Variants in DPP10 observed in about 807,000 individuals in gnomAD.
The protein encoded by DPP10 is inactive dipeptidyl peptidase 10.
DPP10 carries 33 observed loss-of-function variants against 120.9 expected under a neutral mutation model. The ratio of observed to expected loss-of-function variants is 0.27; its 90% CI spans 0.21 to 0.37. DPP10 has a LOEUF of 0.37. DPP10 is among the 10% of genes least tolerant of loss of function. DPP10 has a pLI of 1.00. For synonymous variants in DPP10, 337 were observed against 326.1 expected, an observed-to-expected ratio of 1.03 and a Z score of -0.36; for missense variants, 816 against 942.8, an observed-to-expected ratio of 0.87 and a Z score of 1.76.
chr2:114,545,891 C>G (rs1490710489), intron 1 of DPP10, among the ~76,000 whole-genome samples: 1 of 152,158 alleles, frequency 6.6e-6, no homozygotes, highest in Non-Finnish European at 1.5e-5. Flanking sequence ...CAATGAGTGT[C>G]TTTTATCTTT....
intron 1 of DPP10, among the ~76,000 whole-genome samples, chr2:114,503,085 G>T (rs1037104480): frequency 2.0e-5 from 3 of 152,198 alleles, no homozygotes; most frequent in Non-Finnish European, 2.9e-5. Flanking sequence ...AACTTGGACT[G>T]CTCTTCTGTT....
intron 5 of DPP10, among the ~76,000 whole-genome samples, chr2:115,567,132 C>A (rs1385108949): frequency 6.7e-6 from 1 of 149,686 alleles, no homozygotes; most frequent in Non-Finnish European, 1.5e-5. Context: ...TTTTTTTTTT[C>A]TTTTCAGCAC....
At chr2:115,827,763 T>A (rs934873829) in intron 21 of DPP10, among the ~76,000 whole-genome samples, 3 of 151,608 alleles carry the variant, frequency 2.0e-5, no homozygotes, top group East Asian at 3.9e-4. Context: ...GCCCAGCTAA[T>A]TTTTCTATTA....
chr2:114,718,726 T>C (rs918283155), intron 1 of DPP10, among the ~76,000 whole-genome samples: 11 of 152,198 alleles, frequency 7.2e-5, no homozygotes, highest in African/African-American at 2.7e-4. Flanking sequence ...AATCAGTAGA[T>C]GTAGATACAT....
intron 22 of DPP10, 84 bp from the exon 23 acceptor site, chr2:115,836,423 A>T (rs1404067061): frequency 2.0e-6 from 3 of 1,520,896 alleles, no homozygotes; most frequent in Non-Finnish European, 2.7e-6. Context: ...CATGACAATT[A>T]AATGTAAAAT....
intron 3 of DPP10, among the ~76,000 whole-genome samples, chr2:115,490,238 C>T (rs999296826): frequency 6.6e-6 from 1 of 152,062 alleles, no homozygotes; most frequent in African/African-American, 2.4e-5. Context: ...CTAAGGAGGC[C>T]TCAGGAAACT....
chr2:115,818,599 G>A (rs1687501013), intron 21 of DPP10, among the ~76,000 whole-genome samples: 1 of 152,198 alleles, frequency 6.6e-6, no homozygotes, highest in Non-Finnish European at 1.5e-5. Context: ...AATGCACAGT[G>A]TCAGTGAAGG....
At chr2:114,824,250 G>A (rs150010406) in intron 1 of DPP10, among the ~76,000 whole-genome samples, 1 of 152,092 alleles carries the variant, frequency 6.6e-6, no homozygotes, top group East Asian at 1.9e-4. Flanking sequence ...TTCTCATTTT[G>A]GTGTAGAGAT....
At chr2:114,968,150 T>A (rs1032759705) in intron 1 of DPP10, among the ~76,000 whole-genome samples, 2 of 152,218 alleles carry the variant, frequency 1.3e-5, no homozygotes, top group Non-Finnish European at 2.9e-5. Flanking sequence ...AATGTGTGCT[T>A]AGCTCATTCC....
intron 5 of DPP10, among the ~76,000 whole-genome samples, chr2:115,613,258 G>T (rs551045862): frequency 1.3e-5 from 2 of 152,148 alleles, no homozygotes; most frequent in Non-Finnish European, 2.9e-5. Context: ...CCAGGTGGGA[G>T]TCTCTTATTT....
intron 1 of DPP10, among the ~76,000 whole-genome samples, chr2:114,812,687 CCTA>C (rs1218479296): frequency 6.6e-6 from 1 of 151,794 alleles, no homozygotes; most frequent in Admixed American, 6.6e-5. Context: ...ACAGCTTCCT[CCTA>C]CTCCGACTTT....
chr2:114,532,215 G>A (rs1483326642), intron 1 of DPP10, among the ~76,000 whole-genome samples: 1 of 138,820 alleles, frequency 7.2e-6, no homozygotes, highest in Non-Finnish European at 1.5e-5. Context: ...GGACTCCTTG[G>A]CCTCCCATAA....
chr2:114,903,843 C>T (rs1693776381), intron 1 of DPP10, among the ~76,000 whole-genome samples: 2 of 152,118 alleles, frequency 1.3e-5, no homozygotes, highest in African/African-American at 4.8e-5. Context: ...TGTGTTAGAA[C>T]ACAAGAAAGT....
intron 1 of DPP10, among the ~76,000 whole-genome samples, chr2:114,476,238 A>G (rs1213654889): frequency 6.6e-6 from 1 of 152,168 alleles, no homozygotes. Flanking sequence ...TATCATTCTT[A>G]AGTACAGAAC....
chr2:115,630,865 A>T (rs4414684), intron 5 of DPP10, among the ~76,000 whole-genome samples: 150,284 of 152,216 alleles, frequency 0.99, 74,219 homozygotes, highest in East Asian at 1. Context: ...GGCCTGAAAT[A>T]TTCTTTGTGG....
rs546867735 is a variant in DPP10, at chr2:114,496,937, G to A, written c.60+54099G>A. Among the ~76,000 whole-genome samples, 119 of 151,728 alleles carry A rather than the reference G, an allele frequency of 7.8e-4. 2 individuals are homozygous for A. In the South Asian group the frequency reaches 0.023, roughly 29 times the overall value. ...TACAGCACAAGAATTTTAACTAAGC[G>A]TTACTGTTATCAAAGCATGCTGATA... On this transcript the variant is annotated intron_variant, in intron 1 of 25. Coordinates refer to ENST00000410059, the MANE Select transcript of DPP10 (RefSeq NM_020868.6).
At chr2:115,074,232 C>A (rs1057022097) in intron 1 of DPP10, among the ~76,000 whole-genome samples, 2 of 152,128 alleles carry the variant, frequency 1.3e-5, no homozygotes, top group Admixed American at 1.3e-4. Flanking sequence ...TGGTCTCAAA[C>A]TCCTGACCTC....
intron 1 of DPP10, among the ~76,000 whole-genome samples, chr2:115,307,137 A>G (rs1324188428): frequency 1.3e-5 from 2 of 152,104 alleles, no homozygotes; most frequent in Non-Finnish European, 2.9e-5. Flanking sequence ...AGATGACACT[A>G]ATCTTACCAG....
At chr2:115,060,445 T>A (rs201104780) in intron 1 of DPP10, among the ~76,000 whole-genome samples, 2 of 151,932 alleles carry the variant, frequency 1.3e-5, no homozygotes, top group Non-Finnish European at 2.9e-5. Context: ...ATACGAAAAT[T>A]AGCTGGGTGT....
Sources: gnomAD v4.1 joint callset for allele counts (sites outside exome capture counted in the v4.1 genomes callset) on GRCh38, gnomAD v4.1.1 for gene constraint, MANE v1.5 for transcripts, NCBI Gene and HGNC (gene_info 2026-07-23, HGNC 2026-07-21) for gene names.